The following CYP2J2 variants were observed in gnomAD, a reference collection of about 807,000 sequenced individuals.
CYP2J2 encodes cytochrome P450 family 2 subfamily J member 2, also known as cytochrome P450 2J2.
Under a neutral mutation model 48.8 loss-of-function variants are expected in CYP2J2, and 41 were observed. The observed-to-expected ratio is 0.84, with a 90% CI of 0.66 to 1.09. The LOEUF (loss-of-function observed/expected upper bound fraction) is 1.09. Ranked by LOEUF, CYP2J2 falls within the 50% of genes least tolerant of loss-of-function variation. CYP2J2 has a pLI of 0.00. For missense variants in CYP2J2, 644 were observed against 617.3 expected (o/e 1.04, Z -0.46); for synonymous variants, 221 against 227.1 (o/e 0.97, Z 0.24).
chr1:59,963,268 T>C, the CYP2J2 span, among the ~76,000 whole-genome samples: 1 of 152,158 alleles, frequency 6.6e-6, no homozygotes, highest in Non-Finnish European at 1.5e-5. Flanking sequence ...ATTCACAAGG[T>C]TGTACAACCA....
At chr1:59,945,710 A>G in the CYP2J2 span, among the ~76,000 whole-genome samples, 1 of 152,332 alleles carries the variant, frequency 6.6e-6, no homozygotes, top group East Asian at 1.9e-4. Context: ...AATTACGAGA[A>G]AAGTCCTGTT....
chr1:59,940,569 A>T, the CYP2J2 span, among the ~76,000 whole-genome samples: 1 of 152,242 alleles, frequency 6.6e-6, no homozygotes, highest in Non-Finnish European at 1.5e-5. Flanking sequence ...CAAAGAACTA[A>T]AAATAGAACT....
intron 2 of CYP2J2, 47 bp from the exon 3 acceptor site, chr1:59,912,358 G>T: frequency 6.4e-7 from 1 of 1,563,914 alleles, no homozygotes; most frequent in Non-Finnish European, 8.7e-7. Context: ...TCCATAATAT[G>T]AATATCCAGC....
At chr1:59,942,523 G>C in the CYP2J2 span, among the ~76,000 whole-genome samples, 474 of 152,242 alleles carry the variant, frequency 3.1e-3, 4 homozygotes, top group African/African-American at 0.011. Flanking sequence ...TGTAAGCCAG[G>C]GTCAGTTTGG....
chr1:59,909,643 G>C (rs1176837038), intron 5 of CYP2J2, 141 bp downstream of exon 5: 6 of 595,058 alleles, frequency 1.0e-5, no homozygotes, highest in Non-Finnish European at 1.7e-5. Context: ...TCATACTTCT[G>C]ATATCTAGAA....
chr1:59,948,274 TTA>T, the CYP2J2 span, among the ~76,000 whole-genome samples: 1 of 152,172 alleles, frequency 6.6e-6, no homozygotes, highest in African/African-American at 2.4e-5. Flanking sequence ...CTCTAAACAG[TTA>T]TGAGAATGGT....
intron 7 of CYP2J2, 143 bp downstream of exon 7, chr1:59,904,728 C>T (rs552039560): frequency 1.5e-5 from 10 of 683,022 alleles, no homozygotes; most frequent in Non-Finnish European, 1.9e-5. Context: ...GAAGACTACA[C>T]ATGGAGAAAA....
chr1:59,957,554 C>G, the CYP2J2 span, among the ~76,000 whole-genome samples: 1 of 152,068 alleles, frequency 6.6e-6, no homozygotes, highest in South Asian at 2.1e-4. Context: ...TCAGTAAAGG[C>G]CTGTAGTGAA....
upstream of CYP2J2, among the ~76,000 whole-genome samples, chr1:59,930,540 A>G (rs1032556264): frequency 5.3e-5 from 8 of 152,120 alleles, no homozygotes; most frequent in African/African-American, 1.9e-4. Flanking sequence ...TCATTTATAT[A>G]TCTTCTTTGG....
chr1:59,912,344 T>G (rs745983986), intron 2 of CYP2J2, 33 bp from the exon 3 acceptor site: 23 of 1,589,966 alleles, frequency 1.4e-5, no homozygotes, highest in Non-Finnish European at 1.8e-5. Context: ...TACAGTATTC[T>G]GATTCCATAA....
At chr1:59,914,970 G>T (rs538171622) in intron 2 of CYP2J2, among the ~76,000 whole-genome samples, 1 of 152,344 alleles carries the variant, frequency 6.6e-6, no homozygotes, top group Admixed American at 6.5e-5. Context: ...GAGACATGTT[G>T]GCAGCAACGC....
chr1:59,910,505 C>G (rs1293012693), intron 4 of CYP2J2, among the ~76,000 whole-genome samples: 2 of 152,096 alleles, frequency 1.3e-5, no homozygotes, highest in African/African-American at 2.4e-5. Flanking sequence ...TTCTTTTATA[C>G]ACATTTGTAA....
At chr1:59,949,182 T>C in the CYP2J2 span, among the ~76,000 whole-genome samples, 5 of 152,210 alleles carry the variant, frequency 3.3e-5, no homozygotes, top group South Asian at 2.1e-4. Flanking sequence ...CTCAGACCTA[T>C]TGCACAACTT....
chr1:59,931,020 T>C (rs1228863471), upstream of CYP2J2, among the ~76,000 whole-genome samples: 1 of 152,136 alleles, frequency 6.6e-6, no homozygotes, highest in Non-Finnish European at 1.5e-5. Context: ...AGCTTGGAAG[T>C]CATCACTCCT....
chr1:59,935,003 T>TATATATATATAC, the CYP2J2 span, among the ~76,000 whole-genome samples: 1 of 47,358 alleles, frequency 2.1e-5, no homozygotes, highest in Non-Finnish European at 3.8e-5. Flanking sequence ...TATATATATA[T>TATATATATATAC]ATATATATAT....
chr1:59,893,891 T>C (rs919104434), intron 8 of CYP2J2, 62 bp from the exon 9 acceptor site: 43 of 1,489,204 alleles, frequency 2.9e-5, no homozygotes, highest in Non-Finnish European at 3.7e-5. Context: ...TAGCAGAGAT[T>C]GCTATCCTCA....
the CYP2J2 span, among the ~76,000 whole-genome samples, chr1:59,943,326 T>G: frequency 6.6e-6 from 1 of 152,124 alleles, no homozygotes; most frequent in Non-Finnish European, 1.5e-5. Flanking sequence ...ACCAGCCGAA[T>G]GGAGAAAGAG....
the CYP2J2 span, among the ~76,000 whole-genome samples, chr1:59,935,887 C>T: frequency 7.9e-5 from 12 of 152,222 alleles, no homozygotes; most frequent in Non-Finnish European, 1.5e-4. Flanking sequence ...GATTCTTCTG[C>T]CTCAGCCTCC....
the CYP2J2 span, among the ~76,000 whole-genome samples, chr1:59,966,191 T>A: frequency 6.6e-6 from 1 of 152,202 alleles, no homozygotes; most frequent in Non-Finnish European, 1.5e-5. Flanking sequence ...TAAGCTTGAT[T>A]CTGTCTTATG....
Sources: allele counts gnomAD v4.1 joint callset (sites outside exome capture counted in the v4.1 genomes callset), GRCh38; gene constraint gnomAD v4.1.1; transcripts MANE v1.5; gene names NCBI Gene and HGNC (gene_info 2026-07-23, HGNC 2026-07-21).